PNMA6E: variants seen among roughly 807,000 people sequenced by gnomAD.
PNMA6E encodes the protein PNMA family member 6E, also known as paraneoplastic antigen Ma6E.
For synonymous variants in PNMA6E, 43 were observed against 17.1 expected (o/e 2.52, Z -3.74); for missense variants, 78 against 50.8 (o/e 1.53, Z -1.63).
chrX:153,399,183 T>C (rs1438045571), intron 1 of PNMA6E, among the ~76,000 whole-genome samples: 1 of 112,423 alleles, frequency 8.9e-6, no homozygotes, highest in Non-Finnish European at 1.9e-5. Flanking sequence ...TTATCTCAGT[T>C]TTCAAAACTT....
chrX:153,411,176 G>A, the PNMA6E span, among the ~76,000 whole-genome samples: 16,182 of 111,569 alleles, frequency 0.15, 1,084 homozygotes, highest in East Asian at 0.31. Context: ...GGACCCCAGC[G>A]AGATGAATAA....
In PNMA6E at chrX:153,396,545, CCT is replaced by C. The variant is rs1405958367; in HGVS notation, c.*359_*360del. ...GCAACCTTGAGAGGGCCTCTTTCCCCCTGTCTCTCCCAACTCACGGCCTGGGT... is the reference window on the plus strand; with the variant it reads ...GCAACCTTGAGAGGGCCTCTTTCCCCGTCTCTCCCAACTCACGGCCTGGGT... On this transcript the variant is annotated 3_prime_UTR_variant, in exon 2 of 2. Coordinates refer to ENST00000445091, the MANE Select transcript of PNMA6E (RefSeq NM_001367770.1). 7.5e-5 allele frequency: 9 copies of C among 120,471 alleles called. No individual in the cohort carries two copies. Among genetic ancestry groups the C allele is most frequent in the Admixed American group, 5.5e-4 (6 of 10,991 alleles). 9.9% of individuals were successfully genotyped at this position (120,471 alleles called of 1,213,427 possible).
the PNMA6E span, among the ~76,000 whole-genome samples, chrX:153,408,269 G>A: frequency 8.9e-6 from 1 of 112,710 alleles, no homozygotes; most frequent in Non-Finnish European, 1.9e-5. Flanking sequence ...CTGCCACTCA[G>A]GCAGTGGACG....
In PNMA6E at chrX:153,397,567, C is replaced by A. The variant is rs782667276; in HGVS notation, c.1283G>T (p.Arg428Leu). 1 of 299,032 alleles carries A rather than the reference C, an allele frequency of 3.3e-6. No homozygotes were observed. The highest frequency in any genetic ancestry group is 5.8e-6 in the Non-Finnish European group (1 of 170,982). 24.6% of individuals were successfully genotyped at this position (299,032 alleles called of 1,213,427 possible). A position where few individuals can be genotyped will look rare whatever the true frequency, so the allele number is the denominator to read the frequency against. ...AGCCCTCTGCAGCAGGCCTTCCAGGCGCACCACGAAGGCAAACAGCCCCTC... is the reference window on the plus strand; with the variant it reads ...AGCCCTCTGCAGCAGGCCTTCCAGGAGCACCACGAAGGCAAACAGCCCCTC... ...PQEGLFAFVVRLEGLLQRAVE... is the reference protein window; with the variant it reads ...PQEGLFAFVVLLEGLLQRAVE... Residue 428 changes from arginine to leucine, a missense_variant, in exon 2 of 2, where the codon CGC becomes CTC. Coordinates refer to ENST00000445091, the MANE Select transcript of PNMA6E (RefSeq NM_001367770.1).
At chrX:153,411,369 C>A in the PNMA6E span, among the ~76,000 whole-genome samples, 3 of 112,333 alleles carry the variant, frequency 2.7e-5, no homozygotes, top group Non-Finnish European at 5.7e-5. Context: ...CCAGACGCCC[C>A]TGTGGGGCGG....
At chrX:153,404,437 T>C (rs2124277391), upstream of PNMA6E, among the ~76,000 whole-genome samples, 1 of 111,471 alleles carries the variant, frequency 9.0e-6, no homozygotes, top group South Asian at 3.8e-4. Context: ...TTCTAGTAGC[T>C]TTGGCTTCTT....
At chrX:153,413,507 C>T in the PNMA6E span, among the ~76,000 whole-genome samples, 3 of 109,734 alleles carry the variant, frequency 2.7e-5, no homozygotes, top group Admixed American at 9.7e-5. Context: ...GCAGTGGCAC[C>T]GGTCACCCAG....
rs2088800611 is a variant in PNMA6E at position 153,396,060 on chromosome X, G to C, written c.*846C>G. 8.4e-6 allele frequency: 1 copy of C among 119,376 alleles called. No individual in the cohort carries two copies. Among genetic ancestry groups the C allele is most frequent in the East Asian group, 2.8e-4 (1 of 3,581 alleles). The allele number at this position is 119,376 out of a possible 1,213,427, so 9.8% of individuals were successfully genotyped here. ...TTGTGGATCCTCACGCAGCCCCGCT[G>C]TGCCCCGGGTCCGGTTCTTCTTCCC... On this transcript the variant is annotated 3_prime_UTR_variant, in exon 2 of 2. Transcript: ENST00000445091.
the PNMA6E span, among the ~76,000 whole-genome samples, chrX:153,411,365 G>A: frequency 8.9e-6 from 1 of 112,140 alleles, no homozygotes; most frequent in African/African-American, 3.2e-5. Context: ...CAGGCCAGAC[G>A]CCCCTGTGGG....
chrX:153,404,691 G>C (rs972210122), upstream of PNMA6E, among the ~76,000 whole-genome samples: 9 of 111,895 alleles, frequency 8.0e-5, no homozygotes, highest in African/African-American at 2.6e-4. Context: ...ATAGCCCTGG[G>C]GTCAGCCAGA....
upstream of PNMA6E, among the ~76,000 whole-genome samples, chrX:153,403,597 T>C (rs2088863823): frequency 9.0e-6 from 1 of 111,708 alleles, no homozygotes; most frequent in African/African-American, 3.3e-5. Context: ...TCTTCTGAAA[T>C]TTCCTATTTG....
At chrX:153,402,112 T>G (rs1278409804), upstream of PNMA6E, among the ~76,000 whole-genome samples, 1 of 111,358 alleles carries the variant, frequency 9.0e-6, no homozygotes, top group African/African-American at 3.3e-5. Context: ...CCCTATGTTT[T>G]TATTGATCCC....
upstream of PNMA6E, chrX:153,403,896 A>G (rs2088865118): frequency 1.9e-5 from 2 of 105,627 alleles, no homozygotes; most frequent in African/African-American, 6.8e-5. Flanking sequence ...GTGAGCCATG[A>G]TCACACCACT....
At chrX:153,408,560 G>T in the PNMA6E span, among the ~76,000 whole-genome samples, 2,818 of 112,265 alleles carry the variant, frequency 0.025, 22 homozygotes, top group South Asian at 0.061. Flanking sequence ...AGGCATTGCC[G>T]CGTGCATTCC....
At chrX:153,412,175 C>T in the PNMA6E span, among the ~76,000 whole-genome samples, 1 of 112,487 alleles carries the variant, frequency 8.9e-6, no homozygotes, top group Non-Finnish European at 1.9e-5. Flanking sequence ...TGGTGCCTCG[C>T]GGTGGTGCGG....
Position 153,397,070 on chromosome X carries a change from G to T in PNMA6E, c.1780C>A (p.Pro594Thr), listed in dbSNP as rs1322296162. Residue 594 changes from proline to threonine, a missense_variant, in exon 2 of 2, where the codon CCA becomes ACA. Coordinates refer to ENST00000445091, the MANE Select transcript of PNMA6E (RefSeq NM_001367770.1). The part of the protein sequence containing the change: ...ARMSSAVWVF[P>T]RGLSWGPEGL... ...TCTGGACCCCAGCTAAGACCTCTTGGGAACACCCAGACAGCACTGCTCATC... is the reference window on the plus strand; with the variant it reads ...TCTGGACCCCAGCTAAGACCTCTTGTGAACACCCAGACAGCACTGCTCATC... The T allele has an allele frequency of 1.2e-4, 36 of 296,710 alleles. No individual in the cohort carries two copies. Among genetic ancestry groups the T allele is most frequent in the Non-Finnish European group, 1.9e-4 (32 of 170,118 alleles). 24.5% of individuals were successfully genotyped at this position (296,710 alleles called of 1,213,427 possible).
At chrX:153,412,984 C>G in the PNMA6E span, among the ~76,000 whole-genome samples, 1 of 111,491 alleles carries the variant, frequency 9.0e-6, no homozygotes. Context: ...TGGAGGGCCC[C>G]GGTCGACCCA....
rs2088808623 is a variant in PNMA6E, at chrX:153,396,659, G to C, written c.*247C>G. ...CAGGCCAGCCCCCCGTGGCGGCAGG[G>C]TTTGGGGCTGGGGCTGGGTGTGCTG... is the stretch of plus-strand genomic sequence containing the variant. On this transcript the variant is annotated 3_prime_UTR_variant, in exon 2 of 2. Transcript: ENST00000445091. 2.2e-5 allele frequency: 5 copies of C among 231,922 alleles called. No individual in the cohort carries two copies. The highest frequency in any genetic ancestry group is 1.2e-3 in the Middle Eastern group (1 of 822). 19.1% of individuals were successfully genotyped at this position (231,922 alleles called of 1,213,427 possible). A position where few individuals can be genotyped will look rare whatever the true frequency, so the allele number is the denominator to read the frequency against.
At chrX:153,408,764 G>C in the PNMA6E span, among the ~76,000 whole-genome samples, 34 of 112,072 alleles carry the variant, frequency 3.0e-4, no homozygotes, top group African/African-American at 1.1e-3. Flanking sequence ...ACCCTCAGTG[G>C]ATATCTGAGG....
Sources: allele counts gnomAD v4.1 joint callset (sites outside exome capture counted in the v4.1 genomes callset), GRCh38; gene constraint gnomAD v4.1.1; transcripts MANE v1.5; gene names NCBI Gene and HGNC (gene_info 2026-07-23, HGNC 2026-07-21).